Variants in RGS10 observed in about 807,000 individuals in gnomAD.
The protein encoded by RGS10 is regulator of G-protein signalling 10.
In RGS10, 11 loss-of-function variants were observed where a neutral mutation model predicts 23.5. The ratio of observed to expected loss-of-function variants is 0.47; its 90% CI spans 0.29 to 0.77. RGS10 has a LOEUF of 0.77. Among genes scored for constraint, RGS10 ranks in the 30% least tolerant of loss-of-function variants. The probability of loss-of-function intolerance (pLI) is 0.08; values close to 1 mark genes in which losing one functional copy is unlikely to be tolerated. For missense variants in RGS10, 180 were observed against 226.3 expected (o/e 0.80, Z 1.31); for synonymous variants, 77 against 83.2 (o/e 0.92, Z 0.41).
intron 4 of RGS10, among the ~76,000 whole-genome samples, chr10:119,505,532 C>A (rs140183278): frequency 6.6e-6 from 1 of 151,948 alleles, no homozygotes; most frequent in South Asian, 2.1e-4. Context: ...TCTGCACAAC[C>A]GTCCTGCAGA....
chr10:119,500,078 C>G lies in RGS10; in HGVS notation c.*35G>C, dbSNP rs777001990. 6.2e-7 allele frequency: 1 copy of G among 1,602,830 alleles called. No homozygotes were observed. The highest frequency in any genetic ancestry group is 8.5e-7 in the Non-Finnish European group (1 of 1,176,064). ...ACGGTCCTGAGAGGAAATTCCTTTG[C>G]TTCTTAAAGCTGCCAGTCCCGGCTT... is the stretch of plus-strand genomic sequence containing the variant. On this transcript the variant is annotated 3_prime_UTR_variant, in exon 5 of 5. Transcript: ENST00000369103.
intron 1 of RGS10, among the ~76,000 whole-genome samples, chr10:119,532,646 C>G (rs563131019): frequency 6.6e-6 from 1 of 152,148 alleles, no homozygotes; most frequent in East Asian, 1.9e-4. Flanking sequence ...TCGAGATCAG[C>G]CTGGCCAACA....
chr10:119,526,513 A>G (rs1171383337), intron 2 of RGS10, among the ~76,000 whole-genome samples: 2 of 152,256 alleles, frequency 1.3e-5, no homozygotes, highest in Admixed American at 1.3e-4. Context: ...AAGTATGTCT[A>G]AAGACACCAT....
chr10:119,529,258 G>T (rs529020900), intron 1 of RGS10, among the ~76,000 whole-genome samples: 2 of 152,114 alleles, frequency 1.3e-5, no homozygotes, highest in Admixed American at 1.3e-4. Flanking sequence ...TTCAAGACCA[G>T]CTTGGCCAAC....
chr10:119,500,011 C>G lies in RGS10; in HGVS notation c.*102G>C. The G allele has an allele frequency of 7.9e-7, 1 of 1,263,396 alleles. No individual in the cohort carries two copies. Among genetic ancestry groups the G allele is most frequent in the Non-Finnish European group, 1.1e-6 (1 of 914,080 alleles). 78.3% of individuals were successfully genotyped at this position (1,263,396 alleles called of 1,614,324 possible). A position where few individuals can be genotyped will look rare whatever the true frequency, so the allele number is the denominator to read the frequency against. ...ACACATCCCATTGAAGGGTTTTGTA[C>G]ATTTCAGTCCTTACAAATAACAAAG... On this transcript the variant is annotated 3_prime_UTR_variant, in exon 5 of 5. Coordinates refer to ENST00000369103, the MANE Select transcript of RGS10 (RefSeq NM_001005339.2).
intron 1 of RGS10, among the ~76,000 whole-genome samples, chr10:119,529,573 A>C (rs1844312792): frequency 6.6e-6 from 1 of 152,202 alleles, no homozygotes; most frequent in Admixed American, 6.5e-5. Flanking sequence ...GGTTATCATA[A>C]GGATTCAAAA....
intron 4 of RGS10, among the ~76,000 whole-genome samples, chr10:119,508,901 G>A (rs192933459): frequency 1.2e-3 from 180 of 151,454 alleles, no homozygotes; most frequent in African/African-American, 4.0e-3. Flanking sequence ...GTTCAAGACC[G>A]GCCTGGGCAA....
chr10:119,500,395 A>G, intron 4 of RGS10, 136 bp from the exon 5 acceptor site: 1 of 794,326 alleles, frequency 1.3e-6, no homozygotes, highest in African/African-American at 1.7e-5. Context: ...GAAAGCTCAA[A>G]TAAGTCATCT....
At chr10:119,504,523 A>G (rs1042414259) in intron 4 of RGS10, among the ~76,000 whole-genome samples, 3 of 152,242 alleles carry the variant, frequency 2.0e-5, no homozygotes, top group African/African-American at 7.2e-5. Context: ...GTGAGAAACA[A>G]TATGTCCCCA....
intron 3 of RGS10, among the ~76,000 whole-genome samples, chr10:119,518,419 G>A (rs1031281534): frequency 5.3e-5 from 8 of 152,190 alleles, no homozygotes; most frequent in African/African-American, 1.7e-4. Context: ...GCCCTTCTTC[G>A]AGGCCCAGCA....
intron 3 of RGS10, among the ~76,000 whole-genome samples, chr10:119,522,718 CAAAA>C (rs111696085): frequency 2.6e-5 from 3 of 114,126 alleles, no homozygotes; most frequent in African/African-American, 6.7e-5. Flanking sequence ...AACTCCGTCT[CAAAA>C]AAAAAAAAAA....
intron 3 of RGS10, among the ~76,000 whole-genome samples, chr10:119,520,600 C>T (rs966328870): frequency 6.6e-6 from 1 of 152,008 alleles, no homozygotes; most frequent in Non-Finnish European, 1.5e-5. Flanking sequence ...GACGCCGAAC[C>T]GAATAAAGGG....
chr10:119,521,546 G>A (rs1299218053), intron 3 of RGS10, among the ~76,000 whole-genome samples: 1 of 148,858 alleles, frequency 6.7e-6, no homozygotes, highest in Non-Finnish European at 1.5e-5. Context: ...CTCCAGCCTG[G>A]GCAACAAGAG....
At chr10:119,506,075 C>T (rs1029584169) in intron 4 of RGS10, among the ~76,000 whole-genome samples, 3 of 152,218 alleles carry the variant, frequency 2.0e-5, no homozygotes, top group African/African-American at 7.2e-5. Flanking sequence ...GGACTACAGA[C>T]GTGCTTTTGT....
intron 3 of RGS10, chr10:119,516,243 C>CT (rs1844141723): frequency 1.0e-5 from 1 of 95,312 alleles, no homozygotes; most frequent in African/African-American, 4.1e-5. Flanking sequence ...CAGAGTGAGA[C>CT]TGTCTCTCAA....
intron 1 of RGS10, 111 bp downstream of exon 1, chr10:119,542,479 C>T: frequency 1.1e-6 from 1 of 947,636 alleles, no homozygotes; most frequent in Non-Finnish European, 1.4e-6. Context: ...GCCGGGGCTC[C>T]AGTCTGGGAG....
intron 1 of RGS10, among the ~76,000 whole-genome samples, chr10:119,536,028 C>T (rs749896443): frequency 6.6e-6 from 1 of 152,164 alleles, no homozygotes; most frequent in Non-Finnish European, 1.5e-5. Context: ...CTGTGTAAGG[C>T]TCCAGAGAAA....
At chr10:119,519,694 T>G (rs1844191076) in intron 3 of RGS10, among the ~76,000 whole-genome samples, 1 of 129,424 alleles carries the variant, frequency 7.7e-6, no homozygotes. Context: ...AGCTCCTGTC[T>G]CCCTGTGTCT....
chr10:119,500,185 G>A lies in RGS10; in HGVS notation c.474C>T (p.Thr158=), dbSNP rs777310692. ...CAGGCAAATCTTCTTCCTCTTCCTC[G>A]GTTCGCTTGTGTTTTAAAAACAAGT... The part of the protein sequence containing the change: ...KSDLFLKHKR[T]EEEEEDLPDA... The change falls in exon 5 of 5, where the codon ACC becomes ACT. Residue 158 remains threonine, a synonymous_variant. Transcript: ENST00000369103. 30 of 1,613,750 alleles carry A rather than the reference G, an allele frequency of 1.9e-5. No individual in the cohort carries two copies. The highest frequency in any genetic ancestry group is 3.3e-5 in the Admixed American group (2 of 59,954).
Sources: allele counts gnomAD v4.1 joint callset (sites outside exome capture counted in the v4.1 genomes callset), GRCh38; gene constraint gnomAD v4.1.1; transcripts MANE v1.5; gene names NCBI Gene and HGNC (gene_info 2026-07-23, HGNC 2026-07-21).